The following PSPC1 variants were observed in gnomAD, a reference collection of about 807,000 sequenced individuals.
PSPC1 encodes the protein paraspeckle protein 1.
In PSPC1, 14 loss-of-function variants were observed where a neutral mutation model predicts 51.6. That is an observed-to-expected ratio of 0.27 (90% CI 0.18 to 0.42). The LOEUF is 0.42. Among genes scored for constraint, PSPC1 ranks in the 10% least tolerant of loss-of-function variants. The pLI, the probability that PSPC1 is intolerant of heterozygous loss-of-function variation, is 1.00. For synonymous variants in PSPC1, 193 were observed against 231.9 expected (o/e 0.83, Z 1.53); for missense variants, 406 against 701.1 (o/e 0.58, Z 4.75).
At chr13:19,771,228 C>G (rs1442097143) in intron 2 of PSPC1, among the ~76,000 whole-genome samples, 3 of 152,104 alleles carry the variant, frequency 2.0e-5, no homozygotes, top group Non-Finnish European at 4.4e-5. Flanking sequence ...ACCTCCGCCC[C>G]CCGGGTTCAA....
intron 6 of PSPC1, among the ~76,000 whole-genome samples, chr13:19,728,180 G>C (rs894573485): frequency 1.3e-5 from 2 of 151,860 alleles, no homozygotes; most frequent in African/African-American, 4.8e-5. Context: ...CTCTTTCTTT[G>C]TTACATGAAA....
intron 5 of PSPC1, among the ~76,000 whole-genome samples, chr13:19,739,586 A>T (rs1885205866): frequency 6.6e-6 from 1 of 152,058 alleles, no homozygotes; most frequent in Non-Finnish European, 1.5e-5. Flanking sequence ...CATCTCTACT[A>T]AAAATACAAA....
downstream of PSPC1, among the ~76,000 whole-genome samples, chr13:19,674,332 T>C (rs934650907): frequency 1.3e-5 from 2 of 152,188 alleles, no homozygotes; most frequent in African/African-American, 2.4e-5. Context: ...AGTCCAGAAA[T>C]AGAAAAACTA....
At chr13:19,754,252 T>C (rs1177450799) in intron 3 of PSPC1, among the ~76,000 whole-genome samples, 3 of 151,234 alleles carry the variant, frequency 2.0e-5, no homozygotes, top group Non-Finnish European at 4.4e-5. Flanking sequence ...ACCCAGCTAA[T>C]TTTTTGTAGT....
intron 2 of PSPC1, among the ~76,000 whole-genome samples, chr13:19,770,059 T>TTATGTCCA (rs1229788437): frequency 1.3e-5 from 2 of 150,072 alleles, no homozygotes; most frequent in African/African-American, 4.9e-5. Context: ...CAAAACATAG[T>TTATGTCCA]TATGTCCATA....
At chr13:19,688,932 TAA>T (rs749033889) in intron 6 of PSPC1, among the ~76,000 whole-genome samples, 2 of 145,856 alleles carry the variant, frequency 1.4e-5, no homozygotes, top group African/African-American at 2.5e-5. Flanking sequence ...TTTTAATACA[TAA>T]GTTACTTTTA....
chr13:19,685,978 A>T (rs1877824790), intron 6 of PSPC1, among the ~76,000 whole-genome samples: 1 of 152,056 alleles, frequency 6.6e-6, no homozygotes, highest in East Asian at 1.9e-4. Context: ...TATGCATCTT[A>T]TTGTCTCTCC....
At chr13:19,769,447 C>T (rs760239673) in intron 2 of PSPC1, among the ~76,000 whole-genome samples, 2 of 152,110 alleles carry the variant, frequency 1.3e-5, no homozygotes, top group East Asian at 1.9e-4. Context: ...CCCAGCTACT[C>T]GGGAGGCTGA....
At chr13:19,691,529 G>T (rs1593537037) in intron 6 of PSPC1, among the ~76,000 whole-genome samples, 1 of 151,930 alleles carries the variant, frequency 6.6e-6, no homozygotes, top group East Asian at 1.9e-4. Flanking sequence ...CTCGAAAAAA[G>T]ACAAAGTAGG....
intron 3 of PSPC1, 90 bp downstream of exon 3, chr13:19,759,233 A>G: frequency 1.0e-6 from 1 of 983,534 alleles, no homozygotes; most frequent in Non-Finnish European, 1.6e-6. Context: ...ATATAAATAA[A>G]CAGAACACCT....
At chr13:19,766,103 T>C (rs1163826168) in intron 2 of PSPC1, among the ~76,000 whole-genome samples, 2 of 152,216 alleles carry the variant, frequency 1.3e-5, no homozygotes, top group African/African-American at 4.8e-5. Flanking sequence ...CTGGGCGCAG[T>C]GGCTCACGCC....
Position 19,782,656 on chromosome 13 carries a change from C to G in PSPC1, c.102G>C (p.Ala34=), listed in dbSNP as rs774601950. 4.5e-6 allele frequency: 7 copies of G among 1,551,710 alleles called. No homozygotes were observed. The East Asian group carries it at 1.0e-4, about 22-fold the overall frequency. Residue 34 remains alanine (A), a synonymous_variant, in exon 1 of 9, where the codon GCG becomes GCC. Transcript: ENST00000338910. This position sits in a 1 kb window ranked among gnomAD's most constrained non-coding sequence, Gnocchi z 4.5. ...SAVGESEPAA[A]AAMALALAGE... is the part of the protein sequence containing the mutation. ...CGGCAAGAGCGAGCGCCATGGCTGC[C>G]GCGGCCGCCGGCTCGCTCTCGCCCA...
intron 7 of PSPC1, chr13:19,675,581 A>G (rs947803945): frequency 1.3e-5 from 2 of 152,228 alleles, no homozygotes; most frequent in African/African-American, 4.8e-5. Flanking sequence ...AAATTCATAA[A>G]TGAAGAAAGA....
intron 1 of PSPC1, among the ~76,000 whole-genome samples, chr13:19,781,081 T>A (rs2138409852): frequency 6.7e-6 from 1 of 150,070 alleles, no homozygotes; most frequent in South Asian, 2.1e-4. Flanking sequence ...GAGAACTTCT[T>A]GAGCCCAGGA....
intron 6 of PSPC1, among the ~76,000 whole-genome samples, chr13:19,679,671 G>GTAAA (rs1877060234): frequency 6.6e-6 from 1 of 152,140 alleles, no homozygotes; most frequent in East Asian, 1.9e-4. Context: ...GGATGTACAT[G>GTAAA]GGATATGTGA....
At chr13:19,699,617 A>C (rs990463555), downstream of PSPC1, among the ~76,000 whole-genome samples, 2 of 152,042 alleles carry the variant, frequency 1.3e-5, no homozygotes, top group African/African-American at 4.8e-5. Context: ...AATCTTCATC[A>C]GTATGAAATT....
intron 5 of PSPC1, among the ~76,000 whole-genome samples, chr13:19,731,674 A>G (rs1884139609): frequency 6.6e-6 from 1 of 152,174 alleles, no homozygotes; most frequent in South Asian, 2.1e-4. Flanking sequence ...TCAATCTCCC[A>G]AAGTGCTGGG....
At chr13:19,746,820 A>T (rs1045507625) in intron 4 of PSPC1, among the ~76,000 whole-genome samples, 3 of 151,064 alleles carry the variant, frequency 2.0e-5, no homozygotes, top group African/African-American at 7.3e-5. Context: ...ATAAGAATCA[A>T]CATTTACGGC....
intron 6 of PSPC1, among the ~76,000 whole-genome samples, chr13:19,716,392 A>G (rs1333346203): frequency 6.6e-6 from 1 of 152,234 alleles, no homozygotes; most frequent in Non-Finnish European, 1.5e-5. Flanking sequence ...TAACTGTGTC[A>G]ACTGGAACAC....
Sources: allele counts gnomAD v4.1 joint callset (sites outside exome capture counted in the v4.1 genomes callset), GRCh38; gene constraint gnomAD v4.1.1; non-coding constraint Gnocchi (gnomAD v3.1); transcripts MANE v1.5; gene names NCBI Gene and HGNC (gene_info 2026-07-23, HGNC 2026-07-21).